Variants in HDAC5 observed in about 807,000 individuals in gnomAD.
HDAC5 encodes antigen NY-CO-9.
Under a neutral mutation model 133.3 loss-of-function variants are expected in HDAC5, and 25 were observed. The ratio of observed to expected loss-of-function variants is 0.19; its 90% CI spans 0.14 to 0.26. The LOEUF (loss-of-function observed/expected upper bound fraction) is 0.26, where lower values mean the gene tolerates loss of function less well. Among genes scored for constraint, HDAC5 ranks in the 10% least tolerant of loss-of-function variants. The pLI, the probability that HDAC5 is intolerant of heterozygous loss-of-function variation, is 1.00. For missense variants in HDAC5, 1,041 were observed against 1,460.5 expected (o/e 0.71, Z 4.68); for synonymous variants, 589 against 610.8 (o/e 0.96, Z 0.53).
chr17:44,106,149 G>A (rs757237057), intron 3 of HDAC5, among the ~76,000 whole-genome samples: 2 of 152,188 alleles, frequency 1.3e-5, no homozygotes, highest in Non-Finnish European at 2.9e-5. Context: ...TGGCAGCTGT[G>A]TGGCAGGGAA....
At chr17:44,078,978 G>T in intron 24 of HDAC5, 99 bp from the exon 25 acceptor site, 1 of 1,515,018 alleles carries the variant, frequency 6.6e-7, no homozygotes, top group South Asian at 1.1e-5. Flanking sequence ...CTCACAACAG[G>T]GGCAAACATG....
rs924706219 is a variant in HDAC5, at chr17:44,085,150, C to T, written c.2056G>A (p.Val686Ile). 12 of 1,593,000 alleles carry T rather than the reference C, an allele frequency of 7.5e-6. No individual in the cohort carries two copies. The highest frequency in any genetic ancestry group is 1.1e-5 in the South Asian group (1 of 90,462). ...PVKHLFTTGV[V>I]YDTFMLKHQC... The stretch of plus-strand genomic sequence containing the variant: ...TGCTTTAGCATGAACGTGTCGTAGA[C>T]CACACCTGGGCCACAGACCTATGTG... The change falls in exon 15 of 27, where the codon GTC becomes ATC. Residue 686 changes from valine to isoleucine, a missense_variant. Val to Ile is a conservative substitution (Grantham distance 29). Transcript: ENST00000682912.
intron 12 of HDAC5, among the ~76,000 whole-genome samples, 164 bp from the exon 13 acceptor site, chr17:44,087,860 T>C (rs74763652): frequency 2.0e-5 from 3 of 152,136 alleles, no homozygotes; most frequent in Admixed American, 2.0e-4. Context: ...TTTTTTTTTT[T>C]TGAGACAGAG....
chr17:44,106,259 C>A (rs1453931143), intron 3 of HDAC5, among the ~76,000 whole-genome samples: 1 of 152,160 alleles, frequency 6.6e-6, no homozygotes, highest in South Asian at 2.1e-4. Context: ...TATTCCTGAG[C>A]CCCTCCTCTC....
intron 12 of HDAC5, among the ~76,000 whole-genome samples, chr17:44,088,032 C>T (rs552795909): frequency 2.0e-5 from 3 of 151,978 alleles, no homozygotes; most frequent in Admixed American, 1.3e-4. Context: ...TTTTTTGAGA[C>T]GGTCTCGCTC....
At chr17:44,079,677 AAAAG>A in intron 23 of HDAC5, among the ~76,000 whole-genome samples, 1 of 151,976 alleles carries the variant, frequency 6.6e-6, no homozygotes. Flanking sequence ...AAAGGAGAGA[AAAAG>A]AAACACAAGA....
At chr17:44,098,790 G>A (rs913119952) in intron 3 of HDAC5, among the ~76,000 whole-genome samples, 8 of 150,406 alleles carry the variant, frequency 5.3e-5, no homozygotes, top group African/African-American at 1.9e-4. Flanking sequence ...TCCCTAAGAG[G>A]ACAGGCCAAG....
At chr17:44,083,934 G>T in intron 16 of HDAC5, 80 bp from the exon 17 acceptor site, 3 of 1,116,330 alleles carry the variant, frequency 2.7e-6, no homozygotes, top group East Asian at 4.7e-5. Context: ...GACCAGCCTG[G>T]ACAACATGAT....
At chr17:44,113,658 C>T (rs2052474332) in intron 2 of HDAC5, among the ~76,000 whole-genome samples, 2 of 152,142 alleles carry the variant, frequency 1.3e-5, no homozygotes, top group African/African-American at 4.8e-5. Flanking sequence ...TGAGCTTCAC[C>T]CAGAGCCAGG....
At chr17:44,089,348 C>T (rs1440847796) in intron 11 of HDAC5, among the ~76,000 whole-genome samples, 2 of 152,152 alleles carry the variant, frequency 1.3e-5, no homozygotes, top group Non-Finnish European at 2.9e-5. Context: ...GTGGCTCACA[C>T]CCGTAATCCC....
At chr17:44,120,007 T>C (rs1477198070) in intron 1 of HDAC5, 2 of 152,166 alleles carry the variant, frequency 1.3e-5, no homozygotes, top group Non-Finnish European at 2.9e-5. Context: ...CACTCCGGGA[T>C]CCAAAACCAC....
chr17:44,087,091 G>A (rs1023898399), intron 13 of HDAC5, among the ~76,000 whole-genome samples: 1 of 151,634 alleles, frequency 6.6e-6, no homozygotes, highest in Non-Finnish European at 1.5e-5. Context: ...AACAGCGGGG[G>A]CGTGTGTGTA....
intron 1 of HDAC5, chr17:44,120,458 C>T (rs980589983): frequency 2.6e-5 from 4 of 152,200 alleles, no homozygotes; most frequent in Non-Finnish European, 4.4e-5. Flanking sequence ...AATTACAAAC[C>T]GGCCAGGCGC....
Position 44,086,707 on chromosome 17 carries a change from A to G in HDAC5, c.1915T>C (p.Leu639=). The G allele has an allele frequency of 7.7e-7, 1 of 1,300,008 alleles. No homozygotes were observed. Among genetic ancestry groups the G allele is most frequent in the Non-Finnish European group, 9.8e-7 (1 of 1,017,014 alleles). 80.5% of individuals were successfully genotyped at this position (1,300,008 alleles called of 1,614,324 possible). The change falls in exon 14 of 27, where the codon TTG becomes CTG. Residue 639 remains leucine (L), a synonymous_variant. Coordinates refer to ENST00000682912, the MANE Select transcript of HDAC5 (RefSeq NM_005474.5). ...CTGAGGGGCGCCTGGTACACCTGCA[A>G]AGGCTGCAGCGGCTGGGCATCTGAG... is the stretch of plus-strand genomic sequence containing the variant. ...LFSDAQPLQP[L]QVYQAPLSLA...
chr17:44,085,990 G>A (rs1316395866), intron 14 of HDAC5, among the ~76,000 whole-genome samples: 1 of 152,050 alleles, frequency 6.6e-6, no homozygotes, highest in African/African-American at 2.4e-5. Context: ...AAATTCCTTT[G>A]CTCCATTATT....
At chr17:44,091,519 C>T in intron 10 of HDAC5, 27 bp from the exon 11 acceptor site, 3 of 1,537,326 alleles carry the variant, frequency 2.0e-6, no homozygotes, top group South Asian at 1.3e-5. Flanking sequence ...GGGGCTTATA[C>T]AGCCTCAGTC....
intron 3 of HDAC5, among the ~76,000 whole-genome samples, chr17:44,105,718 G>A (rs1598008570): frequency 6.6e-6 from 1 of 152,158 alleles, no homozygotes; most frequent in Non-Finnish European, 1.5e-5. Flanking sequence ...CTGGGAGTTG[G>A]ATTCACCTCT....
chr17:44,118,073 G>C (rs913213447), intron 1 of HDAC5, among the ~76,000 whole-genome samples: 4 of 152,220 alleles, frequency 2.6e-5, no homozygotes, highest in Admixed American at 1.3e-4. Flanking sequence ...TAGCAGTGGG[G>C]AGATGCAGGG....
intron 24 of HDAC5, 101 bp from the exon 25 acceptor site, chr17:44,078,980 GC>G (rs1447244471): frequency 3.2e-5 from 49 of 1,515,124 alleles, no homozygotes. Context: ...CACAACAGGG[GC>G]AAACATGGCC....
Sources: gnomAD v4.1 joint callset for allele counts (sites outside exome capture counted in the v4.1 genomes callset) on GRCh38, gnomAD v4.1.1 for gene constraint, MANE v1.5 for transcripts, NCBI Gene and HGNC (gene_info 2026-07-23, HGNC 2026-07-21) for gene names.